Variants in PPM1L observed in about 807,000 individuals in gnomAD.
The protein encoded by PPM1L is protein phosphatase, Mg2+/Mn2+ dependent 1L.
A neutral mutation model predicts 31.4 loss-of-function variants in PPM1L; 13 were observed. That is an observed-to-expected ratio of 0.41 (90% CI 0.27 to 0.66). The LOEUF is 0.66. Ranked by LOEUF, PPM1L falls within the 30% of genes least tolerant of loss-of-function variation. The pLI, the probability that PPM1L is intolerant of heterozygous loss-of-function variation, is 0.29. For synonymous variants in PPM1L, 184 were observed against 175.4 expected, an observed-to-expected ratio of 1.05 and a Z score of -0.39; for missense variants, 326 against 453.7, an observed-to-expected ratio of 0.72 and a Z score of 2.56.
At chr3:160,983,621 A>G (rs1340410214) in intron 2 of PPM1L, among the ~76,000 whole-genome samples, 1 of 152,170 alleles carries the variant, frequency 6.6e-6, no homozygotes, top group Non-Finnish European at 1.5e-5. Flanking sequence ...CTATATCTAC[A>G]AGCATTTGGG....
At chr3:160,977,156 G>T (rs1359523455) in intron 2 of PPM1L, among the ~76,000 whole-genome samples, 1 of 152,128 alleles carries the variant, frequency 6.6e-6, no homozygotes, top group Non-Finnish European at 1.5e-5. Context: ...GTGCCCAGAG[G>T]AATTATCTTT....
At chr3:161,035,210 TAA>T (rs63163360) in intron 2 of PPM1L, among the ~76,000 whole-genome samples, 29 of 139,950 alleles carry the variant, frequency 2.1e-4, no homozygotes, top group African/African-American at 4.7e-4. Context: ...AAAGTATAAT[TAA>T]AAAAAAAAAA....
At chr3:160,812,829 A>G (rs1410157809) in intron 1 of PPM1L, among the ~76,000 whole-genome samples, 1 of 152,208 alleles carries the variant, frequency 6.6e-6, no homozygotes, top group African/African-American at 2.4e-5. Context: ...TTAGGGTTCT[A>G]CACCGCTAGT....
At chr3:161,001,119 T>G (rs1717465275) in intron 2 of PPM1L, among the ~76,000 whole-genome samples, 1 of 152,200 alleles carries the variant, frequency 6.6e-6, no homozygotes, top group Admixed American at 6.5e-5. Flanking sequence ...ACAATAATCA[T>G]TTGTTTCTGT....
intron 1 of PPM1L, among the ~76,000 whole-genome samples, chr3:160,857,212 C>A (rs1219566960): frequency 6.6e-6 from 1 of 152,132 alleles, no homozygotes; most frequent in East Asian, 1.9e-4. Context: ...TAATTACATT[C>A]TTTAAAATTC....
At chr3:160,934,439 T>C (rs549184067) in intron 1 of PPM1L, among the ~76,000 whole-genome samples, 7 of 152,300 alleles carry the variant, frequency 4.6e-5, no homozygotes, top group East Asian at 1.9e-4. Flanking sequence ...TCCAACATTA[T>C]GTTATAATGA....
At chr3:160,804,005 C>T (rs1008393982) in intron 1 of PPM1L, among the ~76,000 whole-genome samples, 15 of 152,212 alleles carry the variant, frequency 9.9e-5, no homozygotes, top group African/African-American at 3.6e-4. Flanking sequence ...GCAAGCTGCG[C>T]CTCCCAGATT....
At chr3:160,937,072 A>G (rs1714997043) in intron 1 of PPM1L, among the ~76,000 whole-genome samples, 1 of 152,172 alleles carries the variant, frequency 6.6e-6, no homozygotes, top group Non-Finnish European at 1.5e-5. Context: ...TATTATATTC[A>G]CTAAAATATT....
intron 2 of PPM1L, among the ~76,000 whole-genome samples, chr3:161,057,330 T>A (rs1719441281): frequency 6.6e-6 from 1 of 152,124 alleles, no homozygotes; most frequent in Non-Finnish European, 1.5e-5. Flanking sequence ...TTACCCATTT[T>A]ATGCATTTAT....
chr3:160,982,131 C>T (rs1164883842), intron 2 of PPM1L, among the ~76,000 whole-genome samples: 2 of 152,106 alleles, frequency 1.3e-5, no homozygotes, highest in African/African-American at 4.8e-5. Flanking sequence ...AGTGTTGAGC[C>T]CTGCACCTGG....
intron 1 of PPM1L, among the ~76,000 whole-genome samples, chr3:160,917,045 A>G (rs892846457): frequency 2.6e-5 from 4 of 152,220 alleles, no homozygotes; most frequent in African/African-American, 9.6e-5. Context: ...TCAAGAGCTC[A>G]GAGAACAAAT....
At chr3:160,986,787 T>C (rs913422305) in intron 2 of PPM1L, among the ~76,000 whole-genome samples, 1 of 152,216 alleles carries the variant, frequency 6.6e-6, no homozygotes, top group African/African-American at 2.4e-5. Flanking sequence ...TTTCAGCTTT[T>C]CATTTTGTTA....
intron 1 of PPM1L, among the ~76,000 whole-genome samples, chr3:160,778,479 A>G (rs1244189367): frequency 6.6e-6 from 1 of 152,174 alleles, no homozygotes; most frequent in Non-Finnish European, 1.5e-5. Context: ...GAGCCAATCT[A>G]AACACACTGA....
At chr3:160,799,236 T>C (rs1010624432) in intron 1 of PPM1L, among the ~76,000 whole-genome samples, 3 of 152,212 alleles carry the variant, frequency 2.0e-5, no homozygotes, top group African/African-American at 7.2e-5. Context: ...TGACTCCAAT[T>C]TTTAAAGAAG....
chr3:160,862,201 T>C (rs776945653), intron 1 of PPM1L, among the ~76,000 whole-genome samples: 2 of 152,188 alleles, frequency 1.3e-5, no homozygotes, highest in Admixed American at 6.6e-5. Context: ...AAATTACTTT[T>C]AGTATTTTGT....
chr3:160,932,604 G>T (rs1457130587), intron 1 of PPM1L, among the ~76,000 whole-genome samples: 2 of 152,054 alleles, frequency 1.3e-5, no homozygotes, highest in Non-Finnish European at 2.9e-5. Flanking sequence ...ATTGCCATTT[G>T]TCTGTTTTTG....
At chr3:161,006,087 G>T (rs947413140) in intron 2 of PPM1L, among the ~76,000 whole-genome samples, 1 of 152,028 alleles carries the variant, frequency 6.6e-6, no homozygotes, top group Non-Finnish European at 1.5e-5. Flanking sequence ...ATTCACAAGA[G>T]CCATGAGGTC....
chr3:160,869,713 AATGT>A (rs1186539258), intron 1 of PPM1L, among the ~76,000 whole-genome samples: 2 of 94,964 alleles, frequency 2.1e-5, no homozygotes, highest in African/African-American at 3.4e-5. Context: ...CCTTTGGTGC[AATGT>A]ATGTGTGTGT....
chr3:160,810,817 G>A (rs1317148717), intron 1 of PPM1L, among the ~76,000 whole-genome samples: 1 of 152,244 alleles, frequency 6.6e-6, no homozygotes, highest in East Asian at 1.9e-4. Context: ...GCTCTCTCAT[G>A]TTGATGACCT....
Sources: gnomAD v4.1 joint callset for allele counts (sites outside exome capture counted in the v4.1 genomes callset) on GRCh38, gnomAD v4.1.1 for gene constraint, MANE v1.5 for transcripts, NCBI Gene and HGNC (gene_info 2026-07-23, HGNC 2026-07-21) for gene names.